LILRB3: variants seen among roughly 807,000 people sequenced by gnomAD.
LILRB3 encodes leukocyte immunoglobulin-like receptor subfamily B member 3.
LILRB3 carries 32 observed loss-of-function variants against 68.2 expected under a neutral mutation model. That is an observed-to-expected ratio of 0.47 (90% CI 0.35 to 0.63). LILRB3 has a LOEUF of 0.63. Ranked by LOEUF, LILRB3 falls within the 30% of genes least tolerant of loss-of-function variation. The pLI, the probability that LILRB3 is intolerant of heterozygous loss-of-function variation, is 0.00. For synonymous variants in LILRB3, 185 were observed against 323.1 expected, an observed-to-expected ratio of 0.57 and a Z score of 4.58; for missense variants, 502 against 791.3, an observed-to-expected ratio of 0.63 and a Z score of 4.39.
At position 54,221,159 on chromosome 19, in the gene LILRB3, C is replaced by T; in HGVS notation, c.879G>A (p.Gln293=). ...GGTTGTGTGCACCATAGCACCTGTA[C>T]TGGCCCCCGTAGGAGCGGCTCACAG... is the stretch of plus-strand genomic sequence containing the variant. The change falls in exon 5 of 13, where the codon CAG becomes CAA. Residue 293 remains glutamine (Q), a synonymous_variant. Coordinates refer to ENST00000445347, the Ensembl canonical transcript of LILRB3. 8 of 1,279,754 alleles carry T rather than the reference C, an allele frequency of 6.3e-6. 3 individuals carry two copies. Among genetic ancestry groups the T allele is most frequent in the Non-Finnish European group, 8.6e-6 (8 of 929,196 alleles). The allele number at this position is 1,279,754 out of a possible 1,614,324, so 79.3% of individuals were successfully genotyped here. A position where few individuals can be genotyped will look rare whatever the true frequency, so the allele number is the denominator to read the frequency against.
chr19:54,219,371 GC>G, intron 7 of LILRB3, 126 bp from the exon 8 acceptor site: 1 of 1,456,216 alleles, frequency 6.9e-7, no homozygotes, highest in Non-Finnish European at 9.4e-7. Flanking sequence ...ACATGGAATT[GC>G]CACCCGTACA....
intron 1 of LILRB3, 56 bp downstream of exon 1, chr19:54,222,887 G>T: frequency 6.2e-7 from 1 of 1,612,596 alleles, no homozygotes; most frequent in Admixed American, 1.7e-5. Context: ...GGGCTTGTGT[G>T]TGGGGTGGGG....
chr19:54,216,372 C>A (rs367579732), exon 13 of LILRB3: 1 of 148,658 alleles, frequency 6.7e-6, no homozygotes, highest in Non-Finnish European at 1.5e-5. Context: ...TGCAGTGGTG[C>A]GATCTCAGCT....
At chr19:54,222,853 C>G (rs1200013775) in intron 1 of LILRB3, 71 bp from the exon 2 acceptor site, 5 of 1,612,594 alleles carry the variant, frequency 3.1e-6, no homozygotes, top group Non-Finnish European at 3.4e-6. Context: ...GCCTCCTGAG[C>G]TTTTGAGGTC....
exon 9 of LILRB3, chr19:54,218,789 C>T (rs910827489): frequency 3.7e-6 from 6 of 1,614,110 alleles, no homozygotes; most frequent in Non-Finnish European, 5.1e-6. Flanking sequence ...TGTCCTTGGG[C>T]TCTGTCTCCG....
chr19:54,222,620 C>T, intron 2 of LILRB3, 58 bp from the exon 3 acceptor site: 1 of 1,611,424 alleles, frequency 6.2e-7, no homozygotes, highest in Non-Finnish European at 8.5e-7. Context: ...TCCCAGCTCC[C>T]AGCCCCAGGA....
At chr19:54,219,798 G>C in intron 7 of LILRB3, 1 of 1,517,050 alleles carries the variant, frequency 6.6e-7, no homozygotes, top group Non-Finnish European at 9.0e-7. Flanking sequence ...AGAGGAGCCT[G>C]AACCTAGGAC....
At position 54,219,714 on chromosome 19, in the gene LILRB3, A is replaced by T. The variant is rs62133094; in HGVS notation, c.1309+441T>A. 5,000 of 980,926 alleles carry T rather than the reference A, an allele frequency of 5.1e-3. 22 individuals are homozygous for T. The highest frequency in any genetic ancestry group is 6.3e-3 in the Middle Eastern group (12 of 1,904). The allele number at this position is 980,926 out of a possible 1,614,324, so 60.8% of individuals were successfully genotyped here. ...AGAGCTGAAAGGAACTTTCCCACCCACAGGCCTCTCTCCTTTACACTTGGA... is the reference window on the plus strand; with the variant it reads ...AGAGCTGAAAGGAACTTTCCCACCCTCAGGCCTCTCTCCTTTACACTTGGA... On this transcript the variant is annotated intron_variant, in intron 7 of 12. Coordinates refer to ENST00000445347, the Ensembl canonical transcript of LILRB3.
At chr19:54,222,114 G>T in exon 4 of LILRB3, 3 of 1,607,424 alleles carry the variant, frequency 1.9e-6, no homozygotes, top group Non-Finnish European at 2.5e-6. Context: ...CTGAGAGGGT[G>T]GGTTTGTTGT....
chr19:54,222,126 G>C (rs2078247133), exon 4 of LILRB3: 1 of 1,606,826 alleles, frequency 6.2e-7, no homozygotes, highest in South Asian at 1.1e-5. Context: ...GTTTGTTGTA[G>C]AATCCTAGGA....
chr19:54,216,689 GTTT>G, exon 13 of LILRB3: 1 of 836,020 alleles, frequency 1.2e-6, no homozygotes, highest in Non-Finnish European at 1.5e-6. Flanking sequence ...AACATTCACT[GTTT>G]TTTTTTTTAG....
chr19:54,217,425 T>G (rs1010979900), exon 12 of LILRB3: 4 of 1,608,346 alleles, frequency 2.5e-6, no homozygotes, highest in African/African-American at 1.4e-5. Context: ...AGGACTGGAG[T>G]GTTTCACCGG....
exon 13 of LILRB3, chr19:54,216,715 G>T (rs567741402): frequency 1.9e-6 from 2 of 1,077,504 alleles, no homozygotes; most frequent in Non-Finnish European, 2.3e-6. Context: ...ACAAGGTCTC[G>T]CTCTGTCACA....
intron 7 of LILRB3, chr19:54,219,921 TG>T (rs2077928024): frequency 1.3e-6 from 2 of 1,537,310 alleles, no homozygotes; most frequent in African/African-American, 2.7e-5. Flanking sequence ...CAGGACCTCC[TG>T]GGTCAGGACA....
chr19:54,221,972 G>T (rs1298205441), exon 4 of LILRB3: 2 of 1,608,248 alleles, frequency 1.2e-6, no homozygotes, highest in African/African-American at 2.8e-5. Flanking sequence ...CCACTGTGGA[G>T]CTGCTGTGAG....
At chr19:54,218,528 G>A (rs1029465225) in intron 10 of LILRB3, 115 bp from the exon 11 acceptor site, 2 of 1,602,338 alleles carry the variant, frequency 1.2e-6, no homozygotes, top group Non-Finnish European at 1.7e-6. Context: ...CCCACAGTGT[G>A]GGGCAAGACC....
chr19:54,221,534 G>T, intron 4 of LILRB3, 155 bp from the exon 5 acceptor site: 1 of 1,455,176 alleles, frequency 6.9e-7, no homozygotes, highest in Non-Finnish European at 9.0e-7. Context: ...AGTCATTTCA[G>T]AGGAGTGGGG....
chr19:54,219,685 G>T, intron 7 of LILRB3: 1 of 985,082 alleles, frequency 1.0e-6, no homozygotes, highest in Non-Finnish European at 1.2e-6. Flanking sequence ...CACAGCTGGG[G>T]GTCAGAGCTG....
rs1050818003 is a variant in LILRB3 at position 54,218,343 on chromosome 19, G to A, written c.1593+18C>T. ...GCACCAGGAGGCCTTTGGTGCCTGG[G>A]ACGGGGCGGGATCTCACCTGACTGT... is the stretch of plus-strand genomic sequence containing the variant. On this transcript the variant is annotated intron_variant, in intron 11 of 12. Transcript: ENST00000445347. The A allele has an allele frequency of 6.2e-7, 1 of 1,613,848 alleles. No individual in the cohort carries two copies. Among genetic ancestry groups the A allele is most frequent in the East Asian group, 2.2e-5 (1 of 44,884 alleles).
Sources: gnomAD v4.1 joint callset for allele counts on GRCh38, gnomAD v4.1.1 for gene constraint, MANE v1.5 for transcripts, NCBI Gene and HGNC (gene_info 2026-07-23, HGNC 2026-07-21) for gene names.